ZNF569: variants seen among roughly 807,000 people sequenced by gnomAD.
ZNF569 encodes DNA-binding protein.
A neutral mutation model predicts 56.3 loss-of-function variants in ZNF569; 38 were observed. That is an observed-to-expected ratio of 0.68 (90% CI 0.52 to 0.88). The LOEUF (loss-of-function observed/expected upper bound fraction) is 0.88, where lower values mean the gene tolerates loss of function less well. ZNF569 is among the 40% of genes least tolerant of loss of function. The pLI is 0.00. For missense variants in ZNF569, 666 were observed against 809.2 expected (o/e 0.82, Z 2.15); for synonymous variants, 241 against 262.9 (o/e 0.92, Z 0.81).
upstream of ZNF569, chr19:37,468,063 C>G: frequency 1.3e-6 from 1 of 756,986 alleles, no homozygotes; most frequent in Middle Eastern, 2.4e-4. Flanking sequence ...CTTCTCTATG[C>G]CTTTCGTGTT....
chr19:37,418,992 A>G (rs1243658561), intron 5 of ZNF569, among the ~76,000 whole-genome samples: 2 of 152,240 alleles, frequency 1.3e-5, no homozygotes, highest in African/African-American at 4.8e-5. Flanking sequence ...AATAATGGCC[A>G]TTATGACTGT....
chr19:37,467,440 C>T lies in ZNF569; in HGVS notation c.-561G>A, dbSNP rs2041866220. On this transcript the variant is annotated 5_prime_UTR_variant, in exon 1 of 6. Coordinates refer to ENST00000316950, the MANE Select transcript of ZNF569 (RefSeq NM_152484.3). ...GAAGAATCGAATCGTTCCGCTGCTT[C>T]CTGCGCCGAACTACATTTCCCAGAG... The T allele has an allele frequency of 5.6e-6, 1 of 178,562 alleles. No homozygotes were observed. Among genetic ancestry groups the T allele is most frequent in the African/African-American group, 2.4e-5 (1 of 42,140 alleles). The allele number at this position is 178,562 out of a possible 1,614,324, so 11.1% of individuals were successfully genotyped here. A position where few individuals can be genotyped will look rare whatever the true frequency, so the allele number is the denominator to read the frequency against.
intron 3 of ZNF569, among the ~76,000 whole-genome samples, chr19:37,439,664 C>A (rs1052936845): frequency 6.6e-6 from 1 of 152,054 alleles, no homozygotes; most frequent in Non-Finnish European, 1.5e-5. Flanking sequence ...GCTAAGTGCC[C>A]ATCAGGAAAT....
intron 2 of ZNF569, among the ~76,000 whole-genome samples, chr19:37,453,782 T>C (rs961386625): frequency 3.9e-5 from 6 of 152,360 alleles, no homozygotes; most frequent in African/African-American, 1.4e-4. Flanking sequence ...ATACTTTTCT[T>C]CCATCTCTGC....
chr19:37,425,817 T>C (rs757945929), intron 5 of ZNF569, 51 bp downstream of exon 5: 1 of 1,390,828 alleles, frequency 7.2e-7, no homozygotes, highest in South Asian at 1.2e-5. Flanking sequence ...CACTGATTAA[T>C]CATTAATAGG....
chr19:37,467,710 G>A (rs943289321), upstream of ZNF569: 4 of 648,198 alleles, frequency 6.2e-6, no homozygotes, highest in Non-Finnish European at 1.1e-5. Flanking sequence ...AGGGAGGAGT[G>A]ACGTAGTGTG....
upstream of ZNF569, chr19:37,468,179 C>G: frequency 5.6e-6 from 3 of 538,650 alleles, no homozygotes; most frequent in Non-Finnish European, 9.8e-6. Flanking sequence ...CTCGAACTCC[C>G]GGGCTCAAGC....
At chr19:37,428,446 TG>T (rs1399762375) in intron 3 of ZNF569, among the ~76,000 whole-genome samples, 1 of 148,326 alleles carries the variant, frequency 6.7e-6, no homozygotes, top group Non-Finnish European at 1.5e-5. Context: ...TGCTTAAGCC[TG>T]GGAGTTTGAC....
At chr19:37,468,083 TTG>T (rs2041880961), upstream of ZNF569, 8 of 693,688 alleles carry the variant, frequency 1.2e-5, no homozygotes, top group African/African-American at 2.0e-5. Context: ...TTTTTTTTTT[TTG>T]TTTGTTTTGT....
intron 2 of ZNF569, among the ~76,000 whole-genome samples, chr19:37,452,589 T>G (rs1014588435): frequency 1.3e-5 from 2 of 152,172 alleles, no homozygotes; most frequent in East Asian, 3.9e-4. Context: ...TTTTTTGTTA[T>G]TGTTGTTTGT....
intron 5 of ZNF569, among the ~76,000 whole-genome samples, chr19:37,416,278 AC>A (rs1384026777): frequency 1.3e-5 from 2 of 151,816 alleles, no homozygotes; most frequent in African/African-American, 2.4e-5. Flanking sequence ...AAAAAAAAAA[AC>A]AGGAAAAGAA....
intron 3 of ZNF569, among the ~76,000 whole-genome samples, chr19:37,428,673 AT>A (rs968352157): frequency 0.017 from 2,490 of 142,698 alleles, 36 homozygotes; most frequent in East Asian, 0.055. Context: ...CTGTGGTTGA[AT>A]TTTTTTTTTT....
intron 2 of ZNF569, among the ~76,000 whole-genome samples, chr19:37,448,754 G>C (rs1351708059): frequency 6.6e-6 from 1 of 151,422 alleles, no homozygotes; most frequent in African/African-American, 2.4e-5. Flanking sequence ...TAGTAGAGAC[G>C]GGGTTTCACC....
chr19:37,417,141 C>T (rs540915039), intron 5 of ZNF569, among the ~76,000 whole-genome samples: 1 of 152,306 alleles, frequency 6.6e-6, no homozygotes, highest in African/African-American at 2.4e-5. Flanking sequence ...CAAGGAATGT[C>T]TGGGGATACC....
At chr19:37,435,272 T>C (rs1385317869) in intron 3 of ZNF569, among the ~76,000 whole-genome samples, 3 of 152,168 alleles carry the variant, frequency 2.0e-5, no homozygotes, top group African/African-American at 7.2e-5. Context: ...AGTAATATGT[T>C]ATATTATTTG....
chr19:37,425,973 G>T lies in ZNF569; in HGVS notation c.143-10C>A. On this transcript the variant is annotated splice_polypyrimidine_tract_variant and intron_variant, in intron 4 of 5. Transcript: ENST00000316950. ...TTGGTGAACGGATAGCCTGTCAAAG[G>T]GAAGTTACATAGATTTGGGCATACA... The T allele has an allele frequency of 6.2e-7, 1 of 1,613,420 alleles. No homozygotes were observed. Among genetic ancestry groups the T allele is most frequent in the Non-Finnish European group, 8.5e-7 (1 of 1,179,608 alleles).
intron 3 of ZNF569, among the ~76,000 whole-genome samples, chr19:37,429,117 C>T (rs992941054): frequency 6.6e-6 from 1 of 152,188 alleles, no homozygotes; most frequent in Admixed American, 6.5e-5. Flanking sequence ...ATTCTGTCTT[C>T]CCAATTTCTG....
intron 5 of ZNF569, among the ~76,000 whole-genome samples, chr19:37,420,015 CAGGCAAGAGTGCAG>C (rs2041006449): frequency 1.4e-5 from 2 of 145,860 alleles, no homozygotes; most frequent in Non-Finnish European, 3.0e-5. Flanking sequence ...CTCTGTCGCC[CAGGCAAGAGTGCAG>C]AGGCTAGAGT....
intron 3 of ZNF569, among the ~76,000 whole-genome samples, chr19:37,434,837 C>G (rs946696600): frequency 2.6e-5 from 4 of 152,172 alleles, no homozygotes; most frequent in African/African-American, 4.8e-5. Context: ...ACCCCCTGCC[C>G]GCAAAACATT....
Sources: gnomAD v4.1 joint callset for allele counts (sites outside exome capture counted in the v4.1 genomes callset) on GRCh38, gnomAD v4.1.1 for gene constraint, MANE v1.5 for transcripts, NCBI Gene and HGNC (gene_info 2026-07-23, HGNC 2026-07-21) for gene names.